The following MANBA variants were observed in gnomAD, a reference collection of about 807,000 sequenced individuals.
MANBA encodes the protein beta-mannosidase.
In MANBA, 83 loss-of-function variants were observed where a neutral mutation model predicts 111.1. The observed-to-expected ratio is 0.75, with a 90% confidence interval of 0.63 to 0.90. The LOEUF (loss-of-function observed/expected upper bound fraction) is 0.90, where lower values mean the gene tolerates loss of function less well. Ranked by LOEUF, MANBA falls within the 40% of genes least tolerant of loss-of-function variation. MANBA has a pLI of 0.00. For missense variants in MANBA, 1,036 were observed against 1,069.0 expected, an observed-to-expected ratio of 0.97 and a Z score of 0.43; for synonymous variants, 370 against 378.7, an observed-to-expected ratio of 0.98 and a Z score of 0.27.
At chr4:102,740,941 A>C (rs1723380543) in intron 1 of MANBA, among the ~76,000 whole-genome samples, 1 of 152,150 alleles carries the variant, frequency 6.6e-6, no homozygotes, top group Non-Finnish European at 1.5e-5. Flanking sequence ...AACGAAGATA[A>C]ATAGATGGGA....
chr4:102,660,784 TTAATA>T (rs1417256685), intron 11 of MANBA, among the ~76,000 whole-genome samples: 1 of 148,484 alleles, frequency 6.7e-6, no homozygotes, highest in East Asian at 1.9e-4. Flanking sequence ...TATAATAATA[TTAATA>T]TAATAATTAT....
At chr4:102,746,613 T>C (rs1156498821) in intron 1 of MANBA, among the ~76,000 whole-genome samples, 3 of 152,228 alleles carry the variant, frequency 2.0e-5, no homozygotes, top group Non-Finnish European at 4.4e-5. Context: ...ATCAGATGCA[T>C]TTATTTTGCA....
Position 102,664,752 on chromosome 4 carries a change from T to A in MANBA, c.1418A>T (p.Asp473Val). ...MMNWYHISFT[D>V]RPIYIKDYVT... ...ATAGTCCTTGATGTAGATTGGCCGG[T>A]CAGTGAAACTGATATGATACCAATT... is the stretch of plus-strand genomic sequence containing the variant. The change falls in exon 11 of 17, where the codon GAC (aspartate) becomes GTC (valine). Residue 473 changes from aspartate to valine, a missense_variant. Transcript: ENST00000647097. The A allele has an allele frequency of 1.9e-6, 3 of 1,612,452 alleles. No individual in the cohort carries two copies. The highest frequency in any genetic ancestry group is 8.5e-7 in the Non-Finnish European group (1 of 1,178,412).
intron 8 of MANBA, among the ~76,000 whole-genome samples, chr4:102,673,570 G>A (rs369047341): frequency 2.0e-5 from 3 of 151,406 alleles, no homozygotes; most frequent in South Asian, 4.2e-4. Context: ...AACATTTAAC[G>A]TATCATTTGA....
intron 1 of MANBA, chr4:102,751,799 G>T: frequency 1.9e-6 from 1 of 515,276 alleles, no homozygotes; most frequent in South Asian, 1.5e-5. Context: ...AGTCAATAAT[G>T]ACAATTGTTG....
At position 102,690,771 on chromosome 4, in the gene MANBA, T is replaced by A. The variant is rs1450790354; in HGVS notation, c.674A>T (p.Asp225Val). The A allele has an allele frequency of 7.0e-7, 1 of 1,424,070 alleles. No individual in the cohort carries two copies. The highest frequency in any genetic ancestry group is 1.4e-5 in the African/African-American group (1 of 69,862). 88.2% of individuals were successfully genotyped at this position (1,424,070 alleles called of 1,614,324 possible). ...CAGATTCCACTCCTGGGCACTCTTATCTAAAATATAAAAAGAAAAAGAAAT... is the reference window on the plus strand; with the variant it reads ...CAGATTCCACTCCTGGGCACTCTTAACTAAAATATAAAAAGAAAAAGAAAT... ...LNYFTFSPIYDKSAQEWNLEI... is the reference protein window; with the variant it reads ...LNYFTFSPIYVKSAQEWNLEI... Residue 225 changes from aspartate (D) to valine (V), a missense_variant and splice_region_variant, in exon 6 of 17, where the codon GAT becomes GTT. Asp to Val is a radical substitution (Grantham distance 152). Transcript: ENST00000647097.
intron 14 of MANBA, among the ~76,000 whole-genome samples, chr4:102,638,475 T>A (rs1028264349): frequency 6.6e-6 from 1 of 151,672 alleles, no homozygotes. Flanking sequence ...TTGAGTGTCT[T>A]GTTTCCCACA....
rs1021525478 is a variant in MANBA at position 102,635,017 on chromosome 4, T to C, written c.2186A>G (p.Glu729Gly). Residue 729 changes from glutamate to glycine, a missense_variant, in exon 16 of 17, where the codon GAG (glutamate) becomes GGG (glycine). Coordinates refer to ENST00000647097, the MANE Select transcript of MANBA (RefSeq NM_005908.4). ...SVRVHTWSSL[E>G]PVCSRVTERF... ...TTCAGTCACACGAGAGCACACGGGCTCCAGGGAGCTCCATGTATGGACTCT... is the reference window on the plus strand; with the variant it reads ...TTCAGTCACACGAGAGCACACGGGCCCCAGGGAGCTCCATGTATGGACTCT... 6.2e-7 allele frequency: 1 copy of C among 1,614,172 alleles called. No homozygotes were observed. Among genetic ancestry groups the C allele is most frequent in the African/African-American group, 1.3e-5 (1 of 75,048 alleles).
chr4:102,752,449 CA>C lies in MANBA; in HGVS notation c.177+8268del, dbSNP rs151040384. 3.4e-3 allele frequency: 2,680 copies of C among 785,382 alleles called. 52 individuals are homozygous for C. The African/African-American group carries it at 0.04, about 12-fold the overall frequency. The allele number at this position is 785,382 out of a possible 1,614,324, so 48.7% of individuals were successfully genotyped here. A position where few individuals can be genotyped will look rare whatever the true frequency, so the allele number is the denominator to read the frequency against. ...AAAATGGTCTCCTACCCATGAACAG[CA>C]ACTGATTTCAGGATCTTTAGATAAC... On this transcript the variant is annotated intron_variant, in intron 1 of 16. Transcript: ENST00000647097.
At chr4:102,733,127 A>G (rs1723088541) in intron 1 of MANBA, among the ~76,000 whole-genome samples, 5 of 152,214 alleles carry the variant, frequency 3.3e-5, no homozygotes, top group Non-Finnish European at 7.4e-5. Flanking sequence ...TATGATTTCA[A>G]CTATATGTCA....
intron 16 of MANBA, chr4:102,633,201 AG>A (rs1397058748): frequency 2.5e-6 from 1 of 397,972 alleles, no homozygotes; most frequent in East Asian, 3.6e-5. Context: ...GTTGCTCTTC[AG>A]GATCAGAGAC....
Position 102,710,456 on chromosome 4 carries a change from G to T in MANBA, c.673+3982C>A, listed in dbSNP as rs186296816. 4.3e-3 allele frequency among the ~76,000 whole-genome samples: 660 copies of T among 152,096 alleles called. 1 individual carries two copies. The highest frequency in any genetic ancestry group is 7.7e-3 in the Non-Finnish European group (525 of 67,960). On this transcript the variant is annotated intron_variant, in intron 5 of 16. Transcript: ENST00000647097. ...CCTAGGAATAAATGTAACCAAAAAG[G>T]TGAAAGACCTCTACAAGGAAAACTA...
intron 5 of MANBA, among the ~76,000 whole-genome samples, chr4:102,706,896 A>G (rs1054952276): frequency 2.0e-5 from 3 of 152,162 alleles, no homozygotes; most frequent in African/African-American, 4.8e-5. Flanking sequence ...TTAAAAGAAT[A>G]AAAAAGATTG....
At chr4:102,695,918 G>T (rs757612506) in intron 5 of MANBA, among the ~76,000 whole-genome samples, 8 of 152,088 alleles carry the variant, frequency 5.3e-5, no homozygotes, top group Non-Finnish European at 1.0e-4. Flanking sequence ...GCCTAAGAGG[G>T]TCTCTGTAAA....
Position 102,711,692 on chromosome 4 carries a change from A to T in MANBA, c.673+2746T>A, listed in dbSNP as rs898305721. ...TGCAGCACTATTCACAATAGCAAAGATATAGAATCAACCTAAGTGTCCATC... is the reference window on the plus strand; with the variant it reads ...TGCAGCACTATTCACAATAGCAAAGTTATAGAATCAACCTAAGTGTCCATC... On this transcript the variant is annotated intron_variant, in intron 5 of 16. Transcript: ENST00000647097. 2.0e-5 allele frequency among the ~76,000 whole-genome samples: 3 copies of T among 152,216 alleles called. No individual in the cohort carries two copies. The East Asian group carries it at 5.8e-4, about 29-fold the overall frequency.
chr4:102,664,788 G>GC lies in MANBA; in HGVS notation c.1381dup (p.Ala461GlyfsTer13). 1 of 1,609,558 alleles carries GC rather than the reference G, an allele frequency of 6.2e-7. No individual in the cohort carries two copies. The highest frequency in any genetic ancestry group is 8.5e-7 in the Non-Finnish European group (1 of 1,175,850). The stretch of plus-strand genomic sequence containing the variant: ...GATATGATACCAATTCATCATCAGC[G>GC]CCTCCTCATTTTCATTATTGCCACT... On this transcript the variant is annotated frameshift_variant, in exon 11 of 17. Coordinates refer to ENST00000647097, the MANE Select transcript of MANBA (RefSeq NM_005908.4). LOFTEE classifies it high-confidence loss of function.
intron 14 of MANBA, among the ~76,000 whole-genome samples, chr4:102,637,412 AC>A (rs1213460111): frequency 1.3e-5 from 2 of 152,114 alleles, no homozygotes; most frequent in Non-Finnish European, 2.9e-5. Flanking sequence ...CCTGCCTCAT[AC>A]CCTGGAGGAG....
intron 7 of MANBA, among the ~76,000 whole-genome samples, chr4:102,687,266 G>A (rs1165937872): frequency 1.3e-5 from 2 of 151,734 alleles, no homozygotes; most frequent in African/African-American, 4.8e-5. Context: ...CTCATTTTTT[G>A]TCTGAATCAC....
intron 7 of MANBA, among the ~76,000 whole-genome samples, chr4:102,676,699 T>G (rs1578893293): frequency 2.6e-5 from 4 of 152,214 alleles, no homozygotes; most frequent in Admixed American, 2.6e-4. Context: ...AAAACTTCTT[T>G]TCTGTGAATT....
Sources: allele counts gnomAD v4.1 joint callset (sites outside exome capture counted in the v4.1 genomes callset), GRCh38; gene constraint gnomAD v4.1.1; transcripts MANE v1.5; gene names NCBI Gene and HGNC (gene_info 2026-07-23, HGNC 2026-07-21).